Variants in XYLT1 observed in about 807,000 individuals in gnomAD.
The protein encoded by XYLT1 is xylosyltransferase 1.
Under a neutral mutation model 91.3 loss-of-function variants are expected in XYLT1, and 36 were observed. The ratio of observed to expected loss-of-function variants is 0.39; its 90% CI spans 0.30 to 0.52. The LOEUF (loss-of-function observed/expected upper bound fraction) is 0.52, where lower values mean the gene tolerates loss of function less well. Ranked by LOEUF, XYLT1 falls within the 20% of genes least tolerant of loss-of-function variation. XYLT1 has a pLI of 0.68. For synonymous variants in XYLT1, 588 were observed against 532.0 expected, an observed-to-expected ratio of 1.11 and a Z score of -1.45; for missense variants, 1,242 against 1,284.5, an observed-to-expected ratio of 0.97 and a Z score of 0.51.
intron 5 of XYLT1, among the ~76,000 whole-genome samples, chr16:17,159,675 C>A (rs944505100): frequency 6.6e-6 from 1 of 152,228 alleles, no homozygotes; most frequent in Non-Finnish European, 1.5e-5. Context: ...AACCACGGGG[C>A]TACTGATTGA....
intron 1 of XYLT1, among the ~76,000 whole-genome samples, chr16:17,377,696 C>T (rs187373249): frequency 6.2e-4 from 95 of 152,232 alleles, no homozygotes; most frequent in South Asian, 2.5e-3. Context: ...AGGGAGTCCT[C>T]GAAACCCAGA....
chr16:17,289,249 G>C (rs1180744986), intron 2 of XYLT1, among the ~76,000 whole-genome samples: 1 of 152,182 alleles, frequency 6.6e-6, no homozygotes, highest in Non-Finnish European at 1.5e-5. Flanking sequence ...CTAAAAACAG[G>C]TGGAGGGCCA....
chr16:17,160,570 C>T (rs975744499), intron 5 of XYLT1, among the ~76,000 whole-genome samples: 4 of 152,160 alleles, frequency 2.6e-5, no homozygotes, highest in Non-Finnish European at 5.9e-5. Context: ...ATTCTAGCAG[C>T]GGCAGGCACC....
rs74375703 is a variant in XYLT1, at chr16:17,204,195, G to C, written c.914-3541C>G. ...AGGATAGGTGTAAGGACTCTATGCTGGTCTTTAAAAAGGGCTTGGATGTTG... is the reference window on the plus strand; with the variant it reads ...AGGATAGGTGTAAGGACTCTATGCTCGTCTTTAAAAAGGGCTTGGATGTTG... On this transcript the variant is annotated intron_variant, in intron 3 of 11. Coordinates refer to ENST00000261381, the MANE Select transcript of XYLT1 (RefSeq NM_022166.4). Among the ~76,000 whole-genome samples the C allele has an allele frequency of 3.1e-3, 467 of 152,262 alleles. 3 individuals are homozygous for C. Among genetic ancestry groups the C allele is most frequent in the African/African-American group, 0.011 (453 of 41,552 alleles).
chr16:17,408,618 G>A (rs982456855), intron 1 of XYLT1, among the ~76,000 whole-genome samples: 6 of 152,228 alleles, frequency 3.9e-5, no homozygotes, highest in South Asian at 2.1e-4. Flanking sequence ...GGCCAGGGCC[G>A]GCGGATCACC....
intron 8 of XYLT1, 72 bp downstream of exon 8, chr16:17,138,283 G>T: frequency 6.4e-7 from 1 of 1,560,272 alleles, no homozygotes; most frequent in Non-Finnish European, 8.7e-7. Flanking sequence ...TGCAGGTCTG[G>T]CCTTGGATTT....
chr16:17,417,212 T>G (rs544936527), intron 1 of XYLT1, among the ~76,000 whole-genome samples: 11 of 152,366 alleles, frequency 7.2e-5, no homozygotes, highest in Non-Finnish European at 1.2e-4. Flanking sequence ...AAGGCTCTAC[T>G]GACTCTCTTA....
intron 1 of XYLT1, among the ~76,000 whole-genome samples, chr16:17,456,523 T>C (rs2036745618): frequency 1.3e-5 from 2 of 151,914 alleles, no homozygotes. Flanking sequence ...TATGTTTTTG[T>C]AAAGACGAGG....
chr16:17,274,451 A>G (rs1327605755), intron 2 of XYLT1, among the ~76,000 whole-genome samples: 1 of 152,192 alleles, frequency 6.6e-6, no homozygotes, highest in Non-Finnish European at 1.5e-5. Context: ...CCACTCCCTG[A>G]CAGATGGGGC....
chr16:17,382,679 T>A (rs1333278069), intron 1 of XYLT1, among the ~76,000 whole-genome samples: 1 of 151,814 alleles, frequency 6.6e-6, no homozygotes, highest in Non-Finnish European at 1.5e-5. Flanking sequence ...TGCCCCCTTA[T>A]CTACGTTTGA....
intron 1 of XYLT1, among the ~76,000 whole-genome samples, chr16:17,436,881 A>G (rs1045764101): frequency 1.5e-4 from 23 of 152,346 alleles, no homozygotes; most frequent in African/African-American, 5.3e-4. Context: ...AGAAGTGAAG[A>G]CTTATTCCAT....
chr16:17,120,345 T>C lies in XYLT1; in HGVS notation c.2224-2366A>G, dbSNP rs115017309. Among the ~76,000 whole-genome samples, 202 of 152,180 alleles carry C rather than the reference T, an allele frequency of 1.3e-3. 1 individual carries two copies. The highest frequency in any genetic ancestry group is 4.7e-3 in the African/African-American group (194 of 41,522). On this transcript the variant is annotated intron_variant, in intron 10 of 11. Transcript: ENST00000261381. Reference sequence around the variant, plus strand: ...TTGCTTTACCTGTCCTGGAGACCTTTCTGGTCTGGCTCCGGCTTCACTTCT... The same window carrying C: ...TTGCTTTACCTGTCCTGGAGACCTTCCTGGTCTGGCTCCGGCTTCACTTCT...
At chr16:17,357,780 GA>G (rs1480770267) in intron 2 of XYLT1, among the ~76,000 whole-genome samples, 12 of 152,354 alleles carry the variant, frequency 7.9e-5, no homozygotes, top group Non-Finnish European at 1.2e-4. Context: ...CCACAGGTGG[GA>G]GGGGCACCAG....
rs71373106 is a variant in XYLT1 at position 17,337,775 on chromosome 16, C to CTTTTTTTT, written c.402+20236_402+20237insAAAAAAAA. The stretch of plus-strand genomic sequence containing the variant: ...CTACTTTGTCTGTTCCACATTTTTT[C>CTTTTTTTT]TTTTTCTTTTTTTTTTTTTTTGTGA... On this transcript the variant is annotated intron_variant, in intron 2 of 11. Coordinates refer to ENST00000261381, the MANE Select transcript of XYLT1 (RefSeq NM_022166.4). 1.1e-3 allele frequency among the ~76,000 whole-genome samples: 124 copies of CTTTTTTTT among 114,170 alleles called. 1 individual carries two copies. Among genetic ancestry groups the CTTTTTTTT allele is most frequent in the African/African-American group, 2.5e-3 (59 of 23,768 alleles). The allele number at this position is 114,170 out of a possible 152,430, so 74.9% of individuals were successfully genotyped here. A position where few individuals can be genotyped will look rare whatever the true frequency, so the allele number is the denominator to read the frequency against.
intron 1 of XYLT1, among the ~76,000 whole-genome samples, chr16:17,377,612 A>C (rs1392449088): frequency 6.6e-6 from 1 of 151,954 alleles, no homozygotes; most frequent in Non-Finnish European, 1.5e-5. Flanking sequence ...CCTTCCATGG[A>C]ATGGAAGCTA....
At chr16:17,124,754 A>C (rs1425615591) in intron 10 of XYLT1, among the ~76,000 whole-genome samples, 2 of 151,872 alleles carry the variant, frequency 1.3e-5, no homozygotes, top group Non-Finnish European at 2.9e-5. Flanking sequence ...TGGTTGTTTA[A>C]CATACTCCCA....
At chr16:17,216,272 C>T (rs1352314618) in intron 3 of XYLT1, among the ~76,000 whole-genome samples, 2 of 152,094 alleles carry the variant, frequency 1.3e-5, no homozygotes, top group African/African-American at 4.8e-5. Context: ...TGGAGCCTCT[C>T]GAGGAGGGAA....
At chr16:17,314,259 AGGGAACCTGGT>A (rs1039723547) in intron 2 of XYLT1, among the ~76,000 whole-genome samples, 5 of 152,166 alleles carry the variant, frequency 3.3e-5, no homozygotes, top group African/African-American at 1.2e-4. Flanking sequence ...GCTCCCCAGC[AGGGAACCTGGT>A]GGGCCCTGAC....
At chr16:17,302,485 C>T (rs958524703) in intron 2 of XYLT1, among the ~76,000 whole-genome samples, 8 of 152,162 alleles carry the variant, frequency 5.3e-5, no homozygotes, top group African/African-American at 1.9e-4. Flanking sequence ...ACAGATCCAC[C>T]TGCCATGAGC....
Sources: gnomAD v4.1 joint callset for allele counts (sites outside exome capture counted in the v4.1 genomes callset) on GRCh38, gnomAD v4.1.1 for gene constraint, MANE v1.5 for transcripts, NCBI Gene and HGNC (gene_info 2026-07-23, HGNC 2026-07-21) for gene names.